The following MSR1 variants were observed in gnomAD, a reference collection of about 807,000 sequenced individuals.
MSR1 encodes the protein macrophage scavenger receptor types I and II.
In MSR1, 53 loss-of-function variants were observed where a neutral mutation model predicts 47.2. The ratio of observed to expected loss-of-function variants is 1.12; its 90% CI spans 0.90 to 1.41. The LOEUF is 1.41. Ranked by LOEUF, MSR1 falls within the 40% of genes most tolerant of loss-of-function variation. The pLI is 0.00. For synonymous variants in MSR1, 239 were observed against 185.6 expected (o/e 1.29, Z -2.34); for missense variants, 786 against 546.9 (o/e 1.44, Z -4.36).
At chr8:16,121,703 G>A (rs1800009150) in intron 8 of MSR1, among the ~76,000 whole-genome samples, 1 of 151,552 alleles carries the variant, frequency 6.6e-6, no homozygotes, top group Non-Finnish European at 1.5e-5. Context: ...GTAAACAAAA[G>A]ATAGCTTTTC....
At chr8:16,140,912 T>G (rs1364607645) in intron 8 of MSR1, 8 of 1,611,174 alleles carry the variant, frequency 5.0e-6, no homozygotes, top group Non-Finnish European at 6.8e-6. Context: ...AAAAGGATCT[T>G]GGAAGTCAGT....
intron 8 of MSR1, chr8:16,141,217 T>A: frequency 3.0e-6 from 2 of 671,994 alleles, no homozygotes; most frequent in African/African-American, 1.8e-5. Flanking sequence ...TACAAGCTTT[T>A]AGCAGCCATT....
chr8:16,177,574 A>G (rs1288105615), intron 2 of MSR1, among the ~76,000 whole-genome samples: 2 of 152,042 alleles, frequency 1.3e-5, no homozygotes, highest in Non-Finnish European at 2.9e-5. Flanking sequence ...GAAAACTAAT[A>G]CAGGCACCTA....
At chr8:16,165,517 G>A (rs1173551322) in intron 4 of MSR1, among the ~76,000 whole-genome samples, 1 of 151,832 alleles carries the variant, frequency 6.6e-6, no homozygotes, top group African/African-American at 2.4e-5. Flanking sequence ...AATAATTTTT[G>A]TCTCTCTGTT....
intron 8 of MSR1, among the ~76,000 whole-genome samples, chr8:16,122,504 A>C (rs1269088848): frequency 6.6e-6 from 1 of 152,158 alleles, no homozygotes; most frequent in African/African-American, 2.4e-5. Context: ...AAGTGAATGT[A>C]AGCATTCTCA....
chr8:16,151,394 A>G (rs1169219538), intron 6 of MSR1, among the ~76,000 whole-genome samples: 1 of 152,160 alleles, frequency 6.6e-6, no homozygotes, highest in Non-Finnish European at 1.5e-5. Context: ...GAAATCAGGC[A>G]GTCATAGACC....
intron 5 of MSR1, among the ~76,000 whole-genome samples, chr8:16,160,315 A>G (rs1171684777): frequency 6.6e-6 from 1 of 152,060 alleles, no homozygotes; most frequent in Non-Finnish European, 1.5e-5. Flanking sequence ...GGAGATATAA[A>G]ATAATTAAAA....
chr8:16,190,382 G>T (rs906682817), intron 1 of MSR1, among the ~76,000 whole-genome samples: 1 of 151,984 alleles, frequency 6.6e-6, no homozygotes, highest in Non-Finnish European at 1.5e-5. Context: ...GCAGTTTCAA[G>T]CAAAATTCAC....
intron 1 of MSR1, among the ~76,000 whole-genome samples, chr8:16,185,078 C>A (rs1169898073): frequency 6.6e-6 from 1 of 151,676 alleles, no homozygotes; most frequent in Non-Finnish European, 1.5e-5. Context: ...CATGGGAAGT[C>A]TGTTTGCTTT....
intron 9 of MSR1, among the ~76,000 whole-genome samples, chr8:16,112,222 T>A (rs1049538880): frequency 2.0e-5 from 3 of 152,272 alleles, no homozygotes; most frequent in South Asian, 2.1e-4. Flanking sequence ...ACAGTGAAAA[T>A]TTTTTAAGTG....
In MSR1 at chr8:16,164,065, C is replaced by T. The variant is rs750867565; in HGVS notation, c.817G>A (p.Gly273Ser). The change falls in exon 5 of 10, where the codon GGT (glycine) becomes AGT (serine). Residue 273 changes from glycine to serine, a missense_variant and splice_region_variant. Gly to Ser is a moderately conservative substitution (Grantham distance 56). Transcript: ENST00000262101. ...CTGGAGAAATGACAAGACATTTTAC[C>T]TTGAATTAAAGTGATATTTCTCAAG... ...QTLRNITLIQ[G>S]PPGPPGEKGD... 1.1e-4 allele frequency: 176 copies of T among 1,599,240 alleles called. No individual in the cohort carries two copies. The highest frequency in any genetic ancestry group is 1.4e-4 in the Non-Finnish European group (167 of 1,170,562).
In MSR1 at chr8:16,168,439, G is replaced by C; in HGVS notation, c.630+19C>G. 6.2e-7 allele frequency: 1 copy of C among 1,613,534 alleles called. No individual in the cohort carries two copies. The highest frequency in any genetic ancestry group is 8.5e-7 in the Non-Finnish European group (1 of 1,179,636). ...GGATTCAGTTCCAGCAAGTGACCTT[G>C]CAGTCCACAAACTCTTACCTCTTGT... On this transcript the variant is annotated intron_variant, in intron 4 of 9. Coordinates refer to ENST00000262101, the MANE Select transcript of MSR1 (RefSeq NM_138715.3).
chr8:16,183,752 A>G (rs1801910556), intron 1 of MSR1, among the ~76,000 whole-genome samples: 1 of 143,146 alleles, frequency 7.0e-6, no homozygotes, highest in Admixed American at 7.3e-5. Flanking sequence ...ATATAAATAT[A>G]TGTATAATTA....
intron 5 of MSR1, among the ~76,000 whole-genome samples, 163 bp from the exon 6 acceptor site, chr8:16,155,307 A>G (rs1443193623): frequency 2.0e-5 from 3 of 151,988 alleles, no homozygotes. Flanking sequence ...GTATTCTGCT[A>G]TTCAGGAATA....
chr8:16,184,130 T>C (rs1411789399), intron 1 of MSR1, among the ~76,000 whole-genome samples: 1 of 151,730 alleles, frequency 6.6e-6, no homozygotes. Context: ...ACAACATTTA[T>C]TTTTCACCTT....
chr8:16,128,404 C>A (rs974538983), intron 8 of MSR1, among the ~76,000 whole-genome samples: 19 of 152,012 alleles, frequency 1.2e-4, no homozygotes, highest in Admixed American at 1.2e-3. Context: ...ATAAAGACAC[C>A]AGGAGCTCAG....
At chr8:16,144,813 T>G (rs1054419989) in intron 7 of MSR1, among the ~76,000 whole-genome samples, 1 of 152,124 alleles carries the variant, frequency 6.6e-6, no homozygotes, top group Non-Finnish European at 1.5e-5. Flanking sequence ...TCTTTGTGAT[T>G]TTATTCTCAG....
At chr8:16,182,302 T>C (rs1801855820) in intron 1 of MSR1, among the ~76,000 whole-genome samples, 1 of 152,096 alleles carries the variant, frequency 6.6e-6, no homozygotes, top group African/African-American at 2.4e-5. Context: ...TCTGGGTGAG[T>C]CAGTGAGTGA....
intron 9 of MSR1, among the ~76,000 whole-genome samples, chr8:16,119,598 T>C (rs1799950289): frequency 6.6e-6 from 1 of 152,168 alleles, no homozygotes; most frequent in Non-Finnish European, 1.5e-5. Context: ...TATGCAGGTA[T>C]TTAACACAAT....
Sources: gnomAD v4.1 joint callset for allele counts (sites outside exome capture counted in the v4.1 genomes callset) on GRCh38, gnomAD v4.1.1 for gene constraint, MANE v1.5 for transcripts, NCBI Gene and HGNC (gene_info 2026-07-23, HGNC 2026-07-21) for gene names.